The following NOVA1 variants were observed in gnomAD, a reference collection of about 807,000 sequenced individuals.
The protein encoded by NOVA1 is NOVA alternative splicing regulator 1, also known as RNA-binding protein Nova-1.
In NOVA1, 7 loss-of-function variants were observed where a neutral mutation model predicts 38.0. The observed-to-expected ratio is 0.18, with a 90% CI of 0.10 to 0.35. The LOEUF (loss-of-function observed/expected upper bound fraction) is 0.35. Among genes scored for constraint, NOVA1 ranks in the 10% least tolerant of loss-of-function variants. NOVA1 has a pLI of 1.00. For synonymous variants in NOVA1, 270 were observed against 232.5 expected, an observed-to-expected ratio of 1.16 and a Z score of -1.47; for missense variants, 460 against 616.0, an observed-to-expected ratio of 0.75 and a Z score of 2.68.
chr14:26,451,102 T>C (rs1051840065), intron 4 of NOVA1, among the ~76,000 whole-genome samples: 5 of 152,192 alleles, frequency 3.3e-5, no homozygotes, highest in Non-Finnish European at 7.4e-5. Context: ...AGGCTGTTAA[T>C]AAAAGGTAAT....
chr14:26,549,721 C>T, intron 2 of NOVA1: 3 of 1,288,706 alleles, frequency 2.3e-6, no homozygotes, highest in Non-Finnish European at 3.0e-6. Context: ...CTGCAGATGG[C>T]ACAGTGGAGA....
intron 2 of NOVA1, among the ~76,000 whole-genome samples, chr14:26,522,512 C>T (rs958623699): frequency 3.3e-5 from 5 of 151,904 alleles, no homozygotes; most frequent in African/African-American, 7.3e-5. Context: ...TCATTGTAAA[C>T]GTTATCAAGT....
At chr14:26,492,170 A>G (rs1276859715) in intron 2 of NOVA1, among the ~76,000 whole-genome samples, 1 of 152,050 alleles carries the variant, frequency 6.6e-6, no homozygotes, top group Non-Finnish European at 1.5e-5. Context: ...TTATTTCTTA[A>G]TTTCCTTTTT....
rs563401938 is a variant in NOVA1 at position 26,597,507 on chromosome 14, C to CTTTTTTTTTTTT, written c.-83_-72dup. On this transcript the variant is annotated 5_prime_UTR_variant, in exon 1 of 5. Coordinates refer to ENST00000539517, the MANE Select transcript of NOVA1 (RefSeq NM_002515.3). ...GTTTTGGCTTTTTCTTTTCTTTTTT[C>CTTTTTTTTTTTT]TTTTTTTTTTTTTTTTTTTTTTGCG... The CTTTTTTTTTTTT allele has an allele frequency of 1.1e-4, 88 of 782,652 alleles. No individual in the cohort carries two copies. In the African/African-American group the frequency reaches 2.2e-3, roughly 20 times the overall value. 48.5% of individuals were successfully genotyped at this position (782,652 alleles called of 1,614,324 possible). A position where few individuals can be genotyped will look rare whatever the true frequency, so the allele number is the denominator to read the frequency against.
intron 4 of NOVA1, among the ~76,000 whole-genome samples, chr14:26,456,731 T>C (rs956432483): frequency 6.6e-6 from 1 of 151,954 alleles, no homozygotes; most frequent in Non-Finnish European, 1.5e-5. Flanking sequence ...GCAATTCTTC[T>C]GGGGAAATTT....
intron 2 of NOVA1, among the ~76,000 whole-genome samples, chr14:26,577,935 T>C (rs192438423): frequency 7.5e-4 from 113 of 151,318 alleles, no homozygotes; most frequent in African/African-American, 2.6e-3. Context: ...TTTAAATCCA[T>C]GATACTGGAT....
chr14:26,585,343 A>T (rs2138786148), intron 2 of NOVA1, among the ~76,000 whole-genome samples: 1 of 151,544 alleles, frequency 6.6e-6, no homozygotes, highest in South Asian at 2.1e-4. Context: ...CCACTCTACT[A>T]TACAGCTGGT....
intron 3 of NOVA1, among the ~76,000 whole-genome samples, chr14:26,473,099 T>C (rs531670900): frequency 5.6e-4 from 85 of 151,956 alleles, no homozygotes; most frequent in Non-Finnish European, 9.3e-4. Context: ...AAATTTAATA[T>C]AGATGAAGAG....
chr14:26,466,857 C>T (rs909222870), intron 4 of NOVA1, among the ~76,000 whole-genome samples: 2 of 152,122 alleles, frequency 1.3e-5, no homozygotes, highest in Admixed American at 6.6e-5. Context: ...CTGTCTTCTG[C>T]GATTTCAAGA....
chr14:26,597,248 CA>C, intron 1 of NOVA1, 52 bp downstream of exon 1: 2 of 655,880 alleles, frequency 3.0e-6, no homozygotes, highest in Non-Finnish European at 3.5e-6. Flanking sequence ...GGGAGGGAGG[CA>C]GGGGCGGGCG....
intron 2 of NOVA1, among the ~76,000 whole-genome samples, chr14:26,532,098 T>C (rs930653153): frequency 1.3e-5 from 2 of 152,200 alleles, no homozygotes; most frequent in African/African-American, 2.4e-5. Context: ...CATGAAATAG[T>C]GGCAGGAATG....
chr14:26,568,506 T>C (rs1892271008), intron 2 of NOVA1: 8 of 152,158 alleles, frequency 5.3e-5, no homozygotes, highest in Admixed American at 3.9e-4. Flanking sequence ...ACAAAAAACC[T>C]AACATGCTTT....
intron 2 of NOVA1, among the ~76,000 whole-genome samples, chr14:26,550,504 T>C (rs1212040603): frequency 6.6e-6 from 1 of 152,160 alleles, no homozygotes; most frequent in Non-Finnish European, 1.5e-5. Flanking sequence ...TCACTTTAGC[T>C]CATTAGTACA....
intron 2 of NOVA1, among the ~76,000 whole-genome samples, chr14:26,590,465 T>C (rs942764254): frequency 6.6e-6 from 1 of 151,950 alleles, no homozygotes; most frequent in African/African-American, 2.4e-5. Context: ...TATTAGGTGC[T>C]GAAATTTAGT....
chr14:26,500,369 T>A (rs1887161090), intron 2 of NOVA1, among the ~76,000 whole-genome samples: 1 of 152,076 alleles, frequency 6.6e-6, no homozygotes, highest in Non-Finnish European at 1.5e-5. Flanking sequence ...CTCGGCTTAC[T>A]GAGTGGGTCA....
intron 2 of NOVA1, among the ~76,000 whole-genome samples, chr14:26,579,053 CTTTTTTT>C (rs869075814): frequency 2.5e-5 from 2 of 80,076 alleles, no homozygotes; most frequent in Non-Finnish European, 4.2e-5. Context: ...AGGTGGTATT[CTTTTTTT>C]TTTTTTTTTT....
intron 2 of NOVA1, among the ~76,000 whole-genome samples, chr14:26,551,476 G>A (rs1015381713): frequency 1.3e-5 from 2 of 151,838 alleles, no homozygotes; most frequent in Non-Finnish European, 2.9e-5. Flanking sequence ...AAAATAGATC[G>A]ATATCACAAA....
intron 2 of NOVA1, among the ~76,000 whole-genome samples, chr14:26,541,175 G>C (rs1379767770): frequency 1.3e-5 from 2 of 152,116 alleles, no homozygotes; most frequent in African/African-American, 4.8e-5. Flanking sequence ...TGCTGAATCT[G>C]TCATACTTTA....
chr14:26,559,533 T>G (rs977357167), intron 2 of NOVA1, among the ~76,000 whole-genome samples: 2 of 152,170 alleles, frequency 1.3e-5, no homozygotes, highest in Non-Finnish European at 2.9e-5. Context: ...CTATACCACA[T>G]ACACATGGAA....
Sources: gnomAD v4.1 joint callset for allele counts (sites outside exome capture counted in the v4.1 genomes callset) on GRCh38, gnomAD v4.1.1 for gene constraint, MANE v1.5 for transcripts, NCBI Gene and HGNC (gene_info 2026-07-23, HGNC 2026-07-21) for gene names.